Variants in NDUFS4 observed in about 807,000 individuals in gnomAD.
The protein encoded by NDUFS4 is NADH:ubiquinone oxidoreductase subunit S4.
A neutral mutation model predicts 24.3 loss-of-function variants in NDUFS4; 28 were observed. That is an observed-to-expected ratio of 1.15 (90% CI 0.85 to 1.58). The LOEUF (loss-of-function observed/expected upper bound fraction) is 1.58. Ranked by LOEUF, NDUFS4 falls within the 40% of genes most tolerant of loss-of-function variation. The pLI is 0.00. For missense variants in NDUFS4, 223 were observed against 207.9 expected, an observed-to-expected ratio of 1.07 and a Z score of -0.45; for synonymous variants, 93 against 69.7, an observed-to-expected ratio of 1.34 and a Z score of -1.67.
chr5:53,680,482 C>A (rs1740626409), intron 4 of NDUFS4, among the ~76,000 whole-genome samples: 1 of 152,110 alleles, frequency 6.6e-6, no homozygotes, highest in Admixed American at 6.6e-5. Context: ...GAAAAAGTGG[C>A]ACATATACAC....
intron 2 of NDUFS4, among the ~76,000 whole-genome samples, chr5:53,620,242 T>C (rs1750990462): frequency 6.6e-6 from 1 of 152,208 alleles, no homozygotes; most frequent in African/African-American, 2.4e-5. Context: ...TTATTTTTAA[T>C]ATACATGGCC....
At chr5:53,579,379 A>G (rs1197012322) in intron 1 of NDUFS4, among the ~76,000 whole-genome samples, 3 of 152,200 alleles carry the variant, frequency 2.0e-5, no homozygotes, top group Non-Finnish European at 1.5e-5. Context: ...TACACACTAG[A>G]CAATTACCAG....
At chr5:53,671,716 G>A (rs1425817076) in intron 4 of NDUFS4, among the ~76,000 whole-genome samples, 1 of 152,136 alleles carries the variant, frequency 6.6e-6, no homozygotes, top group African/African-American at 2.4e-5. Context: ...GGTGGAGGAA[G>A]CTACATCATG....
intron 2 of NDUFS4, among the ~76,000 whole-genome samples, chr5:53,627,078 TC>T (rs1313037972): frequency 6.6e-6 from 1 of 152,168 alleles, no homozygotes; most frequent in African/African-American, 2.4e-5. Flanking sequence ...AAGGAAGGGA[TC>T]CAGTTTCAGC....
At position 53,578,046 on chromosome 5, in the gene NDUFS4, C is replaced by T. The variant is rs1749442189; in HGVS notation, c.98+17286C>T. On this transcript the variant is annotated intron_variant, in intron 1 of 4. Coordinates refer to ENST00000296684, the MANE Select transcript of NDUFS4 (RefSeq NM_002495.4). ...TCTTGCTCCTGTCCCACTTTCATCT[C>T]TGACTGATTATCATTGTGATAGTCT... 1.3e-5 allele frequency among the ~76,000 whole-genome samples: 2 copies of T among 152,194 alleles called. 1 individual carries two copies. Among genetic ancestry groups the T allele is most frequent in the Admixed American group, 1.3e-4 (2 of 15,274 alleles).
intron 2 of NDUFS4, among the ~76,000 whole-genome samples, chr5:53,627,293 A>G (rs962041645): frequency 2.6e-5 from 4 of 152,066 alleles, no homozygotes; most frequent in South Asian, 2.1e-4. Flanking sequence ...CCCTTGTTGT[A>G]TAGTTAAAAG....
At position 53,591,504 on chromosome 5, in the gene NDUFS4, G is replaced by C. The variant is rs1749960773; in HGVS notation, c.99-11948G>C. Among the ~76,000 whole-genome samples, 3 of 148,392 alleles carry C rather than the reference G, an allele frequency of 2.0e-5. No individual in the cohort carries two copies. In the Admixed American group the frequency reaches 2.0e-4, roughly 10 times the overall value. On this transcript the variant is annotated intron_variant, in intron 1 of 4. Coordinates refer to ENST00000296684, the MANE Select transcript of NDUFS4 (RefSeq NM_002495.4). ...ATAACTATCGTAATAAATATGAAGT[G>C]GTATCTTATGGTTTTCTTTTTCATT...
intron 2 of NDUFS4, among the ~76,000 whole-genome samples, chr5:53,609,241 C>T (rs1252487355): frequency 6.6e-6 from 1 of 151,816 alleles, no homozygotes; most frequent in Non-Finnish European, 1.5e-5. Flanking sequence ...AAATGTGTTT[C>T]CTAAATAATA....
chr5:53,680,922 T>A (rs2607506), intron 4 of NDUFS4, among the ~76,000 whole-genome samples: 3 of 152,008 alleles, frequency 2.0e-5, no homozygotes, highest in African/African-American at 4.8e-5. Context: ...TGCTCTTGTC[T>A]CAGGGCCTTT....
intron 2 of NDUFS4, among the ~76,000 whole-genome samples, chr5:53,606,853 CA>C (rs1750529437): frequency 6.6e-6 from 1 of 152,146 alleles, no homozygotes; most frequent in South Asian, 2.1e-4. Context: ...AGTCTTATAT[CA>C]AATGGCATAG....
At chr5:53,669,531 G>C (rs1425862072) in intron 4 of NDUFS4, among the ~76,000 whole-genome samples, 2 of 152,052 alleles carry the variant, frequency 1.3e-5, no homozygotes, top group Non-Finnish European at 2.9e-5. Flanking sequence ...ACTACTGGAT[G>C]AACTCCTCTT....
intron 2 of NDUFS4, among the ~76,000 whole-genome samples, chr5:53,630,552 A>G (rs951891616): frequency 6.6e-6 from 1 of 151,976 alleles, no homozygotes; most frequent in African/African-American, 2.4e-5. Flanking sequence ...ACATAATCGT[A>G]TATTTCTTGG....
chr5:53,623,704 G>C (rs1349504577), intron 2 of NDUFS4, among the ~76,000 whole-genome samples: 1 of 150,384 alleles, frequency 6.6e-6, no homozygotes, highest in East Asian at 2.0e-4. Context: ...TGAGGTCTTT[G>C]ATCTGTTTTT....
intron 1 of NDUFS4, among the ~76,000 whole-genome samples, chr5:53,590,155 T>C (rs1749896313): frequency 6.6e-6 from 1 of 152,190 alleles, no homozygotes; most frequent in Non-Finnish European, 1.5e-5. Flanking sequence ...GAAGTAATCC[T>C]GTTTTGATTG....
intron 1 of NDUFS4, among the ~76,000 whole-genome samples, chr5:53,595,594 T>C (rs1750110762): frequency 6.6e-6 from 1 of 152,242 alleles, no homozygotes. Flanking sequence ...TAAATGTAGA[T>C]ACATTTCTTT....
intron 4 of NDUFS4, among the ~76,000 whole-genome samples, chr5:53,673,419 T>G (rs1241975214): frequency 6.6e-6 from 1 of 152,152 alleles, no homozygotes; most frequent in Non-Finnish European, 1.5e-5. Flanking sequence ...GATTCAGTTT[T>G]GGGAAGGTAA....
At chr5:53,560,783 C>T in intron 1 of NDUFS4, 23 bp downstream of exon 1, 12 of 1,613,944 alleles carry the variant, frequency 7.4e-6, no homozygotes, top group Non-Finnish European at 9.3e-6. Context: ...TCACACTTTT[C>T]TTCAAGCTTC....
At chr5:53,603,663 T>A (rs1750403915) in intron 2 of NDUFS4, 133 bp downstream of exon 2, 1 of 681,060 alleles carries the variant, frequency 1.5e-6, no homozygotes, top group African/African-American at 1.8e-5. Context: ...ACCTAAATTT[T>A]AAGAAGAAAT....
chr5:53,664,514 G>A (rs1052844176), intron 4 of NDUFS4, among the ~76,000 whole-genome samples: 1 of 152,134 alleles, frequency 6.6e-6, no homozygotes, highest in Admixed American at 6.5e-5. Flanking sequence ...GTATTTGTTG[G>A]AGGCTTTGTT....
Sources: gnomAD v4.1 joint callset for allele counts (sites outside exome capture counted in the v4.1 genomes callset) on GRCh38, gnomAD v4.1.1 for gene constraint, MANE v1.5 for transcripts, NCBI Gene and HGNC (gene_info 2026-07-23, HGNC 2026-07-21) for gene names.